Variants in MED14 observed in about 807,000 individuals in gnomAD.
MED14 encodes the protein mediator of RNA polymerase II transcription subunit 14.
Under a neutral mutation model 109.0 loss-of-function variants are expected in MED14, and 8 were observed. The observed-to-expected ratio is 0.07, with a 90% confidence interval of 0.04 to 0.13. The LOEUF (loss-of-function observed/expected upper bound fraction) is 0.13, where lower values mean the gene tolerates loss of function less well. MED14 is among the 10% of genes least tolerant of loss of function. The probability of loss-of-function intolerance (pLI) is 1.00; values close to 1 mark genes in which losing one functional copy is unlikely to be tolerated. For missense variants in MED14, 711 were observed against 1,142.4 expected (o/e 0.62, Z 5.44); for synonymous variants, 399 against 408.7 (o/e 0.98, Z 0.29).
rs1653305697 is a variant in MED14, at chrX:40,649,877, A to T, written c.*1929T>A. The T allele has an allele frequency of 5.2e-6, 4 of 770,238 alleles. No individual in the cohort carries two copies. Among genetic ancestry groups the T allele is most frequent in the Non-Finnish European group, 6.2e-6 (4 of 644,277 alleles). The allele number at this position is 770,238 out of a possible 1,213,427, so 63.5% of individuals were successfully genotyped here. A position where few individuals can be genotyped will look rare whatever the true frequency, so the allele number is the denominator to read the frequency against. The stretch of plus-strand genomic sequence containing the variant: ...ATCTTACTCTTGATTGGCACAATGC[A>T]TTCAGAGATGAGTTATAATTAGGAA... On this transcript the variant is annotated 3_prime_UTR_variant, in exon 31 of 31. Coordinates refer to ENST00000324817, the MANE Select transcript of MED14 (RefSeq NM_004229.4).
At chrX:40,697,654 G>A (rs1053205497) in intron 12 of MED14, among the ~76,000 whole-genome samples, 2 of 111,969 alleles carry the variant, frequency 1.8e-5, no homozygotes, top group African/African-American at 6.5e-5. Flanking sequence ...TTTTAATATA[G>A]TACTCCTTTT....
chrX:40,662,253 C>T (rs1372645103), intron 26 of MED14, among the ~76,000 whole-genome samples: 1 of 111,074 alleles, frequency 9.0e-6, no homozygotes, highest in African/African-American at 3.3e-5. Flanking sequence ...TTTTTAGAGA[C>T]AGGGTCTCAC....
chrX:40,720,243 G>A lies in MED14; in HGVS notation c.349-5533C>T, dbSNP rs143625282. Among the ~76,000 whole-genome samples the A allele has an allele frequency of 8.6e-3, 964 of 112,370 alleles. 7 individuals carry two copies. The highest frequency in any genetic ancestry group is 0.029 in the African/African-American group (903 of 30,919). On this transcript the variant is annotated intron_variant, in intron 3 of 30. Coordinates refer to ENST00000324817, the MANE Select transcript of MED14 (RefSeq NM_004229.4). ...AATCAGGTGAGCAATCACAGTACTT[G>A]GTTTTAACTTCATATCACTGAAAGA...
intron 10 of MED14, among the ~76,000 whole-genome samples, chrX:40,707,706 T>C (rs1569293757): frequency 8.9e-6 from 1 of 112,078 alleles, no homozygotes; most frequent in Non-Finnish European, 1.9e-5. Context: ...AATGTCCAAA[T>C]AGGCAAATCT....
At chrX:40,715,785 C>CAAAA (rs1491314503) in intron 3 of MED14, among the ~76,000 whole-genome samples, 1 of 3,811 alleles carries the variant, frequency 2.6e-4, no homozygotes, top group Admixed American at 4.3e-3. Context: ...GACTCCGTCT[C>CAAAA]AAAAAAAAAA....
intron 11 of MED14, among the ~76,000 whole-genome samples, chrX:40,702,059 C>T (rs1466376124): frequency 9.0e-6 from 1 of 111,727 alleles, no homozygotes; most frequent in Non-Finnish European, 1.9e-5. Flanking sequence ...AGGCAGCTGT[C>T]TATATACAAT....
Position 40,711,314 on chromosome X carries a change from G to A in MED14, c.890-13C>T. 8.5e-7 allele frequency: 1 copy of A among 1,172,918 alleles called. No individual in the cohort carries two copies. Among genetic ancestry groups the A allele is most frequent in the Non-Finnish European group, 1.2e-6 (1 of 865,097 alleles). On this transcript the variant is annotated splice_polypyrimidine_tract_variant and intron_variant, in intron 7 of 30. Transcript: ENST00000324817. ...AAACAGAAAGAATCTGATAGATGTT[G>A]TTAAGTAAAATTAATACATTACACC...
In MED14 at chrX:40,651,565, C is replaced by T; in HGVS notation, c.*241G>A. 6.6e-6 allele frequency: 6 copies of T among 907,369 alleles called. No individual in the cohort carries two copies. Among genetic ancestry groups the T allele is most frequent in the East Asian group, 4.7e-5 (1 of 21,065 alleles). The allele number at this position is 907,369 out of a possible 1,213,427, so 74.8% of individuals were successfully genotyped here. A position where few individuals can be genotyped will look rare whatever the true frequency, so the allele number is the denominator to read the frequency against. ...GAATATTAAATTTATTACTGGCAAA[C>T]GGACACTGATTTATTTCCTTTGAAA... On this transcript the variant is annotated 3_prime_UTR_variant, in exon 31 of 31. Transcript: ENST00000324817.
rs750749445 is a variant in MED14, at chrX:40,729,298, GT to G, written c.242+20del. On this transcript the variant is annotated intron_variant, in intron 2 of 30. Transcript: ENST00000324817. Reference sequence around the variant, plus strand: ...ATTGATCAATAAAGAGACTTTAAGGGTTTTTTTTTTCCATACTCACCTTTCC... The same window carrying G: ...ATTGATCAATAAAGAGACTTTAAGGGTTTTTTTTTCCATACTCACCTTTCC... The G allele has an allele frequency of 2.8e-4, 301 of 1,060,352 alleles. No homozygotes were observed. The highest frequency in any genetic ancestry group is 9.6e-4 in the East Asian group (28 of 29,180). 87.4% of individuals were successfully genotyped at this position (1,060,352 alleles called of 1,213,427 possible).
chrX:40,666,699 G>T, intron 24 of MED14, 21 bp downstream of exon 24: 6 of 1,204,261 alleles, frequency 5.0e-6, no homozygotes, highest in Non-Finnish European at 6.7e-6. Context: ...ATGCTATATC[G>T]ATTTCCATGT....
chrX:40,711,629 T>TTG (rs1047457816), intron 7 of MED14, among the ~76,000 whole-genome samples: 4 of 109,773 alleles, frequency 3.6e-5, no homozygotes, highest in African/African-American at 9.9e-5. Flanking sequence ...TATTATTATT[T>TTG]TGTGTGTGTG....
chrX:40,698,851 T>C (rs935829987), intron 12 of MED14, among the ~76,000 whole-genome samples: 1 of 112,348 alleles, frequency 8.9e-6, no homozygotes, highest in African/African-American at 3.2e-5. Flanking sequence ...GGAAAACAGT[T>C]TGGCATTTTC....
intron 1 of MED14, among the ~76,000 whole-genome samples, chrX:40,734,231 G>A (rs1019785058): frequency 5.4e-5 from 6 of 111,774 alleles, no homozygotes; most frequent in Non-Finnish European, 1.1e-4. Flanking sequence ...CATTAGCCAT[G>A]GGTAGGCTTC....
intron 26 of MED14, among the ~76,000 whole-genome samples, chrX:40,661,223 A>C (rs907541706): frequency 1.8e-5 from 2 of 112,746 alleles, no homozygotes; most frequent in African/African-American, 6.5e-5. Context: ...CTGGGATTAC[A>C]GGCGTGCACC....
chrX:40,661,926 C>T (rs1295033863), intron 26 of MED14, among the ~76,000 whole-genome samples: 1 of 111,101 alleles, frequency 9.0e-6, no homozygotes, highest in Non-Finnish European at 1.9e-5. Flanking sequence ...TGCAGTGGCG[C>T]GATCTTGGCT....
rs1339031069 is a variant in MED14, at chrX:40,666,994, G to A, written c.3134-143C>T. The A allele has an allele frequency of 1.7e-5, 8 of 477,413 alleles. No homozygotes were observed. The South Asian group carries it at 2.5e-4, about 15-fold the overall frequency. The allele number at this position is 477,413 out of a possible 1,213,427, so 39.3% of individuals were successfully genotyped here. A position where few individuals can be genotyped will look rare whatever the true frequency, so the allele number is the denominator to read the frequency against. On this transcript the variant is annotated intron_variant, in intron 23 of 30. Coordinates refer to ENST00000324817, the MANE Select transcript of MED14 (RefSeq NM_004229.4). ...ATATAACACAGAGAAAAACTGGCAC[G>A]ATTTCATTATTGAAAGAGACTATTC...
chrX:40,692,821 G>A lies in MED14; in HGVS notation c.1732C>T (p.Arg578Cys), dbSNP rs764282931. The change falls in exon 14 of 31, where the codon CGT (arginine) becomes TGT (cysteine). Residue 578 changes from arginine (R) to cysteine (C), a missense_variant. Physicochemically the swap from Arg to Cys is radical, Grantham distance 180. Around this residue, in one of 8 missense-constraint regions of MED14, gnomAD observed 388 missense variants for 517.3 expected, o/e 0.75. Transcript: ENST00000324817. ...YYFMSVNAAD[R>C]EDSPAMALLL... ...AATGCCATTGCAGGGCTGTCTTCAC[G>A]ATCTGCAGCATTCACAGACATAAAG... 12 of 1,208,904 alleles carry A rather than the reference G, an allele frequency of 9.9e-6. No individual in the cohort carries two copies. Among genetic ancestry groups the A allele is most frequent in the Non-Finnish European group, 1.1e-5 (10 of 894,437 alleles).
chrX:40,659,284 T>C lies in MED14; in HGVS notation c.3915A>G (p.Leu1305=), dbSNP rs377052231. The change falls in exon 28 of 31, where the codon CTA becomes CTG. Residue 1305 remains leucine, a synonymous_variant. Transcript: ENST00000324817. The part of the protein sequence containing the change: ...KANTLIAFTK[L]LGAPTHILRD... ...TGAGGATGTGTGTAGGAGCTCCTAATAGCTTGGTGAAGGCTATTAACGTAT... is the reference window on the plus strand; with the variant it reads ...TGAGGATGTGTGTAGGAGCTCCTAACAGCTTGGTGAAGGCTATTAACGTAT... The C allele has an allele frequency of 2.6e-6, 3 of 1,166,491 alleles. No individual in the cohort carries two copies. The highest frequency in any genetic ancestry group is 3.4e-6 in the Non-Finnish European group (3 of 871,535).
rs752686180 is a variant in MED14, at chrX:40,735,291, G to A, written c.122C>T (p.Ala41Val). ...PPPGAAVAAA[A>V]AAAASPGYRL... ...GTAGCCCGGGCTAGCCGCAGCTGCA[G>A]CGGCCGCCGCCACGGCGGCTCCCGG... is the stretch of plus-strand genomic sequence containing the variant. Residue 41 changes from alanine (A) to valine (V), a missense_variant, in exon 1 of 31, where the codon GCT becomes GTT. Ala to Val is a moderately conservative substitution (Grantham distance 64). Around this residue, in one of 8 missense-constraint regions of MED14, gnomAD observed 62 missense variants for 55.2 expected, o/e 1.12. Transcript: ENST00000324817. The A allele has an allele frequency of 7.1e-6, 8 of 1,134,367 alleles. No homozygotes were observed. Among genetic ancestry groups the A allele is most frequent in the Middle Eastern group, 2.7e-4 (1 of 3,697 alleles). The allele number at this position is 1,134,367 out of a possible 1,213,427, so 93.5% of individuals were successfully genotyped here.
Sources: allele counts gnomAD v4.1 joint callset (sites outside exome capture counted in the v4.1 genomes callset), GRCh38; gene constraint gnomAD v4.1.1; regional missense constraint gnomAD v4.1.1; transcripts MANE v1.5; gene names NCBI Gene and HGNC (gene_info 2026-07-23, HGNC 2026-07-21).